Variants in IFT43 observed in about 807,000 individuals in gnomAD.
IFT43 encodes intraflagellar transport protein 43 homolog.
In IFT43, 33 loss-of-function variants were observed where a neutral mutation model predicts 32.3. The observed-to-expected ratio is 1.02, with a 90% CI of 0.77 to 1.37. IFT43 has a LOEUF of 1.37. Ranked by LOEUF, IFT43 falls within the 40% of genes most tolerant of loss-of-function variation. The probability of loss-of-function intolerance (pLI) is 0.00; values close to 1 mark genes in which losing one functional copy is unlikely to be tolerated. For missense variants in IFT43, 274 were observed against 265.9 expected (o/e 1.03, Z -0.21); for synonymous variants, 93 against 98.2 (o/e 0.95, Z 0.31).
At chr14:76,082,399 A>C in intron 6 of IFT43, 32 bp downstream of exon 6, 1 of 1,390,218 alleles carries the variant, frequency 7.2e-7, no homozygotes, top group South Asian at 1.2e-5. Context: ...TGGGGAGGCA[A>C]AGAACACGTG....
At chr14:76,017,939 C>T (rs1479796937) in intron 2 of IFT43, among the ~76,000 whole-genome samples, 2 of 151,658 alleles carry the variant, frequency 1.3e-5, no homozygotes, top group East Asian at 3.9e-4. Context: ...GGTCTTCTCT[C>T]TTTTTTCTTG....
chr14:76,047,726 C>T (rs981004994), intron 3 of IFT43, among the ~76,000 whole-genome samples: 2 of 151,796 alleles, frequency 1.3e-5, no homozygotes, highest in South Asian at 2.1e-4. Flanking sequence ...TGTTCCTTCC[C>T]TCCCTCCTTT....
At chr14:76,014,915 C>T (rs1199908163) in intron 2 of IFT43, among the ~76,000 whole-genome samples, 1 of 152,230 alleles carries the variant, frequency 6.6e-6, no homozygotes, top group African/African-American at 2.4e-5. Context: ...CTACTTCTCA[C>T]TTCCATTGTG....
intron 5 of IFT43, among the ~76,000 whole-genome samples, chr14:76,077,845 C>T (rs766877697): frequency 1.3e-5 from 2 of 152,160 alleles, no homozygotes; most frequent in African/African-American, 2.4e-5. Context: ...TGTTGTTCCC[C>T]GCCTGGCTGA....
intron 5 of IFT43, among the ~76,000 whole-genome samples, chr14:76,062,917 C>CAAAAAAAAAAAAAAAAAAAAAAAAAAA (rs746158153): frequency 2.8e-5 from 2 of 72,474 alleles, no homozygotes; most frequent in African/African-American, 1.2e-4. Context: ...GATCCCATCT[C>CAAAAAAAAAAAAAAAAAAAAAAAAAAA]AAAAAAAAAA....
chr14:75,991,977 G>A (rs1042148993), intron 2 of IFT43, among the ~76,000 whole-genome samples: 13 of 152,106 alleles, frequency 8.5e-5, no homozygotes, highest in Non-Finnish European at 1.8e-4. Context: ...TTTACATTCC[G>A]ATTCTATTAC....
chr14:75,988,320 G>A (rs748029739), intron 1 of IFT43, among the ~76,000 whole-genome samples: 27 of 151,816 alleles, frequency 1.8e-4, no homozygotes, highest in Non-Finnish European at 3.4e-4. Context: ...TGGAGGCTGC[G>A]GTGAGCACTC....
At chr14:76,084,048 G>A (rs1017547129), downstream of IFT43, 1 of 450,182 alleles carries the variant, frequency 2.2e-6, no homozygotes, top group African/African-American at 2.0e-5. Flanking sequence ...AGCTGCAGCG[G>A]AGGGAGGAGG....
intron 3 of IFT43, among the ~76,000 whole-genome samples, chr14:76,039,959 C>G (rs1018760142): frequency 6.6e-6 from 1 of 152,138 alleles, no homozygotes; most frequent in Non-Finnish European, 1.5e-5. Context: ...AGAAGAGCTT[C>G]TTTTCTTTTT....
At chr14:76,083,204 C>T in intron 7 of IFT43, 23 bp from the exon 8 acceptor site, 2 of 1,614,138 alleles carry the variant, frequency 1.2e-6, no homozygotes, top group Non-Finnish European at 1.7e-6. Context: ...CTCAGCCTGA[C>T]CTTTTTTTGT....
rs755716298 is a variant in IFT43, at chr14:76,073,357, G to A, written c.296-8938G>A. Reference sequence around the variant, plus strand: ...GAAGTTGGACTTAGGACGTCACTTGGCCCTCAGTTGGAGAAGTCTTTTCCT... The same window carrying A: ...GAAGTTGGACTTAGGACGTCACTTGACCCTCAGTTGGAGAAGTCTTTTCCT... On this transcript the variant is annotated intron_variant, in intron 5 of 8. Coordinates refer to ENST00000314067, the MANE Select transcript of IFT43 (RefSeq NM_001102564.3). Among the ~76,000 whole-genome samples, 148 of 152,314 alleles carry A rather than the reference G, an allele frequency of 9.7e-4. 1 individual carries two copies. Among genetic ancestry groups the A allele is most frequent in the South Asian group, 1.9e-3 (9 of 4,824 alleles).
At chr14:76,016,897 G>C (rs536244688) in intron 2 of IFT43, among the ~76,000 whole-genome samples, 1 of 151,948 alleles carries the variant, frequency 6.6e-6, no homozygotes, top group Non-Finnish European at 1.5e-5. Context: ...TGTTGATTTC[G>C]TATCCTGCAA....
intron 2 of IFT43, among the ~76,000 whole-genome samples, chr14:76,009,683 G>T (rs79850682): frequency 0.014 from 2,061 of 152,294 alleles, 52 homozygotes; most frequent in African/African-American, 0.043. Context: ...AATTACAGAA[G>T]TTTGGAAGTG....
At chr14:76,022,622 G>A (rs1313249958) in intron 3 of IFT43, 2 of 379,772 alleles carry the variant, frequency 5.3e-6, no homozygotes, top group Non-Finnish European at 9.5e-6. Flanking sequence ...CCCACCAAAA[G>A]AAACCCTGTA....
chr14:76,051,912 A>G, intron 3 of IFT43, among the ~76,000 whole-genome samples: 1 of 151,992 alleles, frequency 6.6e-6, no homozygotes, highest in South Asian at 2.1e-4. Context: ...CGTTTCTTTC[A>G]CCTGCAACAA....
chr14:76,064,920 T>C (rs73314935), intron 5 of IFT43, among the ~76,000 whole-genome samples: 27,692 of 152,158 alleles, frequency 0.18, 2,724 homozygotes, highest in African/African-American at 0.25. Flanking sequence ...CTACTTTCTC[T>C]ACTTTTTTCA....
intron 2 of IFT43, among the ~76,000 whole-genome samples, chr14:75,993,366 C>T (rs1160274427): frequency 1.3e-5 from 2 of 152,176 alleles, no homozygotes; most frequent in Non-Finnish European, 2.9e-5. Flanking sequence ...TTGACATTCC[C>T]ACATGGCGGC....
chr14:76,061,067 A>T (rs1421925932), intron 5 of IFT43, among the ~76,000 whole-genome samples: 3 of 151,902 alleles, frequency 2.0e-5, no homozygotes, highest in African/African-American at 7.3e-5. Context: ...ACACCTGGCT[A>T]ATTTGTGTAT....
chr14:76,012,538 G>T (rs1433756331), intron 2 of IFT43, among the ~76,000 whole-genome samples: 1 of 152,160 alleles, frequency 6.6e-6, no homozygotes, highest in Non-Finnish European at 1.5e-5. Flanking sequence ...AGTCATTCCT[G>T]CCCCCTGTTT....
Sources: allele counts gnomAD v4.1 joint callset (sites outside exome capture counted in the v4.1 genomes callset), GRCh38; gene constraint gnomAD v4.1.1; transcripts MANE v1.5; gene names NCBI Gene and HGNC (gene_info 2026-07-23, HGNC 2026-07-21).